The following FGGY variants were observed in gnomAD, a reference collection of about 807,000 sequenced individuals.
The protein encoded by FGGY is FGGY carbohydrate kinase domain-containing protein.
A neutral mutation model predicts 71.3 loss-of-function variants in FGGY; 72 were observed. The observed-to-expected ratio is 1.01, with a 90% confidence interval of 0.84 to 1.23. FGGY has a LOEUF of 1.23. Ranked by LOEUF, FGGY falls within the 50% of genes most tolerant of loss-of-function variation. The pLI is 0.00. For synonymous variants in FGGY, 251 were observed against 250.3 expected (o/e 1.00, Z -0.02); for missense variants, 668 against 682.3 (o/e 0.98, Z 0.23).
At chr1:59,697,597 C>T (rs2097672706) in intron 14 of FGGY, 2 of 1,055,312 alleles carry the variant, frequency 1.9e-6, no homozygotes, top group Non-Finnish European at 2.6e-6. Context: ...TTATAACCAT[C>T]GTCGCTGTGA....
At chr1:59,593,350 G>T (rs780505980) in intron 8 of FGGY, among the ~76,000 whole-genome samples, 1 of 152,196 alleles carries the variant, frequency 6.6e-6, no homozygotes, top group African/African-American at 2.4e-5. Context: ...TTCTATTTCT[G>T]CATGTCATGA....
chr1:59,405,724 C>A (rs2062631905), intron 5 of FGGY, among the ~76,000 whole-genome samples: 1 of 152,082 alleles, frequency 6.6e-6, no homozygotes, highest in South Asian at 2.1e-4. Flanking sequence ...TTAGCCTACC[C>A]CCCAGTCGAC....
At chr1:59,580,047 TTCAC>T (rs1171867325) in intron 8 of FGGY, among the ~76,000 whole-genome samples, 2 of 152,098 alleles carry the variant, frequency 1.3e-5, no homozygotes, top group African/African-American at 4.8e-5. Context: ...AACTGCATGC[TTCAC>T]TCACTCACTC....
intron 4 of FGGY, among the ~76,000 whole-genome samples, chr1:59,348,139 A>G (rs115653950): frequency 0.025 from 3,811 of 152,258 alleles, 181 homozygotes; most frequent in African/African-American, 0.088. Flanking sequence ...ACAACTGGGC[A>G]AAGGATGTGA....
chr1:59,689,967 C>T (rs1055253923), intron 14 of FGGY, among the ~76,000 whole-genome samples: 1 of 152,182 alleles, frequency 6.6e-6, no homozygotes, highest in Non-Finnish European at 1.5e-5. Context: ...ACCAAGTTGG[C>T]CCTTTCAGTT....
chr1:59,571,744 C>T (rs2095989342), intron 8 of FGGY, among the ~76,000 whole-genome samples: 1 of 152,132 alleles, frequency 6.6e-6, no homozygotes, highest in African/African-American at 2.4e-5. Flanking sequence ...GTATTATATT[C>T]ATACAGTGGT....
chr1:59,760,133 A>G (rs1176050077), intron 15 of FGGY, among the ~76,000 whole-genome samples: 1 of 152,234 alleles, frequency 6.6e-6, no homozygotes, highest in Non-Finnish European at 1.5e-5. Flanking sequence ...AACCCAATTC[A>G]AAAGTGGGCA....
intron 14 of FGGY, among the ~76,000 whole-genome samples, chr1:59,725,966 G>A (rs1333710346): frequency 6.6e-6 from 1 of 152,132 alleles, no homozygotes; most frequent in Admixed American, 6.6e-5. Flanking sequence ...TAGGAGTGGT[G>A]AGAAAGGACA....
At chr1:59,355,778 C>T (rs1432085197) in intron 4 of FGGY, among the ~76,000 whole-genome samples, 1 of 152,042 alleles carries the variant, frequency 6.6e-6, no homozygotes, top group Non-Finnish European at 1.5e-5. Flanking sequence ...AGTCTGCCTC[C>T]AGCTCCTGGG....
At chr1:59,628,968 G>A (rs189020381) in intron 10 of FGGY, among the ~76,000 whole-genome samples, 82 of 152,270 alleles carry the variant, frequency 5.4e-4, no homozygotes, top group African/African-American at 1.9e-3. Context: ...GGGTGATACA[G>A]AGTGATGATT....
intron 9 of FGGY, among the ~76,000 whole-genome samples, chr1:59,616,453 T>A (rs1367301028): frequency 2.0e-5 from 3 of 152,032 alleles, no homozygotes; most frequent in South Asian, 4.2e-4. Flanking sequence ...GACACAGGAA[T>A]GGGAACATCA....
intron 1 of FGGY, among the ~76,000 whole-genome samples, chr1:59,314,681 A>G (rs1292144602): frequency 6.6e-6 from 1 of 152,174 alleles, no homozygotes; most frequent in Non-Finnish European, 1.5e-5. Context: ...TGTTGTGGAG[A>G]AGAATTGTCT....
chr1:59,636,875 T>G (rs990019438), intron 10 of FGGY, among the ~76,000 whole-genome samples: 22 of 152,230 alleles, frequency 1.4e-4, no homozygotes, highest in Admixed American at 4.6e-4. Context: ...GTATCTTAGA[T>G]ATTAACCTCC....
At chr1:59,741,804 T>C (rs2098150926) in intron 14 of FGGY, among the ~76,000 whole-genome samples, 1 of 152,018 alleles carries the variant, frequency 6.6e-6, no homozygotes, top group Non-Finnish European at 1.5e-5. Flanking sequence ...CCAGGCATCA[T>C]GGCAGGCACC....
At chr1:59,518,156 T>G (rs545939374) in intron 7 of FGGY, among the ~76,000 whole-genome samples, 1 of 152,330 alleles carries the variant, frequency 6.6e-6, no homozygotes, top group South Asian at 2.1e-4. Flanking sequence ...AAATGAGGAT[T>G]TTGAATTTCT....
intron 5 of FGGY, among the ~76,000 whole-genome samples, chr1:59,392,110 T>C (rs368115740): frequency 3.9e-5 from 6 of 152,276 alleles, no homozygotes; most frequent in South Asian, 4.1e-4. Context: ...CAAGAAGGCC[T>C]CCCTCAGGAT....
At chr1:59,609,807 G>T (rs2096656873) in intron 9 of FGGY, among the ~76,000 whole-genome samples, 1 of 152,182 alleles carries the variant, frequency 6.6e-6, no homozygotes, top group East Asian at 1.9e-4. Flanking sequence ...GTGGGTAGAT[G>T]GATTCAAAGG....
In FGGY at chr1:59,612,478, A is replaced by C. The variant is rs190399682; in HGVS notation, c.1011+4568A>C. 8.4e-3 allele frequency among the ~76,000 whole-genome samples: 1,275 copies of C among 152,294 alleles called. 6 individuals are homozygous for C. The highest frequency in any genetic ancestry group is 0.021 in the South Asian group (100 of 4,822). ...TTTTGTCACCACCAGGCCTGCCCTA[A>C]AAGAGCTCCTGACGGAAGCACTAAA... is the stretch of plus-strand genomic sequence containing the variant. On this transcript the variant is annotated intron_variant, in intron 9 of 15. Transcript: ENST00000303721.
intron 11 of FGGY, among the ~76,000 whole-genome samples, chr1:59,653,364 T>G (rs1011800287): frequency 4.6e-5 from 7 of 152,134 alleles, no homozygotes; most frequent in African/African-American, 1.7e-4. Flanking sequence ...TGCTGCCGCC[T>G]TGCAGTTTGA....
Sources: allele counts gnomAD v4.1 joint callset (sites outside exome capture counted in the v4.1 genomes callset), GRCh38; gene constraint gnomAD v4.1.1; transcripts MANE v1.5; gene names NCBI Gene and HGNC (gene_info 2026-07-23, HGNC 2026-07-21).